PLXNA4: variants seen among roughly 807,000 people sequenced by gnomAD.
PLXNA4 encodes plexin A4.
In PLXNA4, 44 loss-of-function variants were observed where a neutral mutation model predicts 191.8. That is an observed-to-expected ratio of 0.23 (90% CI 0.18 to 0.29). The LOEUF (loss-of-function observed/expected upper bound fraction) is 0.29, where lower values mean the gene tolerates loss of function less well. Ranked by LOEUF, PLXNA4 falls within the 10% of genes least tolerant of loss-of-function variation. The probability of loss-of-function intolerance (pLI) is 1.00; values close to 1 mark genes in which losing one functional copy is unlikely to be tolerated. For synonymous variants in PLXNA4, 1,082 were observed against 1,009.5 expected (o/e 1.07, Z -1.36); for missense variants, 1,800 against 2,488.8 (o/e 0.72, Z 5.89).
At position 132,613,946 on chromosome 7, in the gene PLXNA4, G is replaced by A. The variant is rs555230061; in HGVS notation, c.-87+31982C>T. Among the ~76,000 whole-genome samples the A allele has an allele frequency of 3.3e-5, 5 of 152,348 alleles. No individual in the cohort carries two copies. In the South Asian group the frequency reaches 1.0e-3, roughly 32 times the overall value. ...CTTCAAAGGGCAACATTGGAAGGAG[G>A]TTTTGCAGGATGCATAGGAGTTGCA... On this transcript the variant is annotated intron_variant, in intron 2 of 4. Coordinates refer to the PLXNA4 transcript ENST00000378539.
chr7:132,525,720 C>A (rs973564348), intron 1 of PLXNA4, among the ~76,000 whole-genome samples: 4 of 152,192 alleles, frequency 2.6e-5, no homozygotes, highest in African/African-American at 9.7e-5. Flanking sequence ...ACCTGCATCT[C>A]CAGACCCACA....
chr7:132,566,580 A>C (rs1011720535), intron 1 of PLXNA4, among the ~76,000 whole-genome samples: 3 of 152,188 alleles, frequency 2.0e-5, no homozygotes, highest in Non-Finnish European at 2.9e-5. Flanking sequence ...TATCTTTGTC[A>C]GTTATATTGA....
At chr7:132,567,602 T>C (rs569840388) in intron 1 of PLXNA4, among the ~76,000 whole-genome samples, 1 of 152,316 alleles carries the variant, frequency 6.6e-6, no homozygotes, top group South Asian at 2.1e-4. Context: ...GTCATTCTTC[T>C]CCACCTTATC....
chr7:132,192,955 G>A (rs1276268226), intron 14 of PLXNA4, among the ~76,000 whole-genome samples: 1 of 152,128 alleles, frequency 6.6e-6, no homozygotes, highest in African/African-American at 2.4e-5. Context: ...AGGGTGAGAG[G>A]TGGGGGCAAT....
chr7:132,580,381 G>C (rs1333810863), upstream of PLXNA4, among the ~76,000 whole-genome samples: 1 of 152,114 alleles, frequency 6.6e-6, no homozygotes, highest in South Asian at 2.1e-4. Context: ...AGGGCTAAGG[G>C]AGACACAAGT....
intron 2 of PLXNA4, among the ~76,000 whole-genome samples, chr7:132,620,264 G>C (rs903778978): frequency 2.0e-5 from 3 of 151,968 alleles, no homozygotes; most frequent in African/African-American, 7.3e-5. Context: ...TAAGCGGCCT[G>C]CCTCTGATTA....
At chr7:132,145,415 G>A in intron 28 of PLXNA4, 127 bp from the exon 29 acceptor site, 1 of 1,326,388 alleles carries the variant, frequency 7.5e-7, no homozygotes. Flanking sequence ...GGTAAAATTG[G>A]GTAAGTCCAT....
Position 132,456,109 on chromosome 7 carries a change from TTC to T in PLXNA4, c.1371+33181_1371+33182del, listed in dbSNP as rs1389454301. Among the ~76,000 whole-genome samples, 292 of 141,682 alleles carry T rather than the reference TTC, an allele frequency of 2.1e-3. 1 individual carries two copies. The highest frequency in any genetic ancestry group is 8.5e-3 in the African/African-American group (287 of 33,652). The allele number at this position is 141,682 out of a possible 152,430, so 92.9% of individuals were successfully genotyped here. A position where few individuals can be genotyped will look rare whatever the true frequency, so the allele number is the denominator to read the frequency against. ...GGGGTCCCTCTTCGCATCTCCTCTG[TTC>T]TTTTTTTTTTTTTTTTTTGGAGATG... On this transcript the variant is annotated intron_variant, in intron 3 of 31. Coordinates refer to ENST00000321063, the MANE Select transcript of PLXNA4 (RefSeq NM_020911.2).
chr7:132,504,563 T>G (rs1455784323), intron 2 of PLXNA4, among the ~76,000 whole-genome samples: 1 of 152,198 alleles, frequency 6.6e-6, no homozygotes, highest in East Asian at 1.9e-4. Context: ...CTCAAATCCC[T>G]TCTTCAAGCT....
At chr7:132,601,811 G>C (rs1330028659) in intron 2 of PLXNA4, among the ~76,000 whole-genome samples, 1 of 152,214 alleles carries the variant, frequency 6.6e-6, no homozygotes. Flanking sequence ...GAATAGATTA[G>C]TAATTGATTC....
At chr7:132,168,638 G>A in intron 21 of PLXNA4, 66 bp from the exon 22 acceptor site, 1 of 1,509,332 alleles carries the variant, frequency 6.6e-7, no homozygotes, top group Non-Finnish European at 8.8e-7. Context: ...CTCCCCACGG[G>A]ATGGCTGTGC....
chr7:132,187,180 C>A (rs995671142), intron 15 of PLXNA4, among the ~76,000 whole-genome samples: 2 of 152,142 alleles, frequency 1.3e-5, no homozygotes, highest in African/African-American at 4.8e-5. Flanking sequence ...CCTAACCCCC[C>A]GCCTGCCAAA....
intron 14 of PLXNA4, among the ~76,000 whole-genome samples, chr7:132,192,542 GA>G (rs895043705): frequency 3.8e-4 from 58 of 151,362 alleles, no homozygotes; most frequent in African/African-American, 1.4e-3. Context: ...AGATGGAGGC[GA>G]GGGGTGGGGG....
intron 3 of PLXNA4, among the ~76,000 whole-genome samples, chr7:132,461,273 CTGCCCT>C (rs1796493219): frequency 1.3e-5 from 2 of 152,272 alleles, no homozygotes; most frequent in African/African-American, 4.8e-5. Flanking sequence ...AGGGAAGGAG[CTGCCCT>C]CAGGTAAGGT....
chr7:132,133,976 T>C (rs1795043700), intron 30 of PLXNA4, among the ~76,000 whole-genome samples: 1 of 152,050 alleles, frequency 6.6e-6, no homozygotes, highest in Non-Finnish European at 1.5e-5. Context: ...CAAGGCCTTG[T>C]GGTGGCCCAG....
chr7:132,310,513 A>G (rs1391527348), intron 3 of PLXNA4, among the ~76,000 whole-genome samples: 2 of 152,226 alleles, frequency 1.3e-5, no homozygotes, highest in Non-Finnish European at 2.9e-5. Context: ...CTCAGAGACT[A>G]TCTTCCAAGC....
intron 3 of PLXNA4, among the ~76,000 whole-genome samples, chr7:132,461,794 G>T (rs1383157897): frequency 6.6e-6 from 1 of 152,198 alleles, no homozygotes; most frequent in Non-Finnish European, 1.5e-5. Flanking sequence ...AAAATACTCA[G>T]TCAAGTCTCC....
chr7:132,465,731 T>C (rs2117384663), intron 3 of PLXNA4, among the ~76,000 whole-genome samples: 1 of 151,980 alleles, frequency 6.6e-6, no homozygotes, highest in Non-Finnish European at 1.5e-5. Flanking sequence ...AAGTGAGCAA[T>C]GTGTTATCAC....
chr7:132,181,245 CA>C lies in PLXNA4; in HGVS notation c.3492+135del. The C allele has an allele frequency of 5.5e-6, 8 of 1,449,386 alleles. No individual in the cohort carries two copies. In the South Asian group the frequency reaches 9.3e-5, roughly 17 times the overall value. The allele number at this position is 1,449,386 out of a possible 1,614,324, so 89.8% of individuals were successfully genotyped here. On this transcript the variant is annotated intron_variant, in intron 18 of 31. Transcript: ENST00000321063. ...GTACAGACTCAGAGAGAACATTTAT[CA>C]CACTCTGGGCTACACTGCAACCTCT...
Sources: allele counts gnomAD v4.1 joint callset (sites outside exome capture counted in the v4.1 genomes callset), GRCh38; gene constraint gnomAD v4.1.1; transcripts MANE v1.5; gene names NCBI Gene and HGNC (gene_info 2026-07-23, HGNC 2026-07-21).